ATRNL1: variants seen among roughly 807,000 people sequenced by gnomAD.
ATRNL1 encodes attractin-like protein 1.
Under a neutral mutation model 182.7 loss-of-function variants are expected in ATRNL1, and 95 were observed. That is an observed-to-expected ratio of 0.52 (90% CI 0.44 to 0.62). The LOEUF (loss-of-function observed/expected upper bound fraction) is 0.62. ATRNL1 is among the 20% of genes least tolerant of loss of function. The pLI, the probability that ATRNL1 is intolerant of heterozygous loss-of-function variation, is 0.00. For synonymous variants in ATRNL1, 576 were observed against 568.3 expected (o/e 1.01, Z -0.19); for missense variants, 1,471 against 1,679.5 (o/e 0.88, Z 2.17).
chr10:115,355,774 A>G (rs192734146), intron 19 of ATRNL1, among the ~76,000 whole-genome samples: 15 of 151,718 alleles, frequency 9.9e-5, no homozygotes, highest in Admixed American at 9.2e-4. Flanking sequence ...TTAATATTAC[A>G]TTTGTAATTG....
chr10:115,096,897 G>A, intron 1 of ATRNL1: 1 of 781,742 alleles, frequency 1.3e-6, no homozygotes, highest in Non-Finnish European at 1.6e-6. Flanking sequence ...ACTTGGGATT[G>A]AGAATAGGAA....
intron 26 of ATRNL1, among the ~76,000 whole-genome samples, chr10:115,712,538 C>T (rs1947091418): frequency 6.6e-6 from 1 of 152,142 alleles, no homozygotes; most frequent in African/African-American, 2.4e-5. Context: ...TGCATACTTA[C>T]CTCTTAGAGA....
At chr10:115,304,243 C>A (rs1356887807) in intron 17 of ATRNL1, among the ~76,000 whole-genome samples, 1 of 152,178 alleles carries the variant, frequency 6.6e-6, no homozygotes, top group Non-Finnish European at 1.5e-5. Context: ...GGAGCAGCCA[C>A]TGGCAGCCTG....
chr10:115,192,394 C>T (rs781951913), intron 8 of ATRNL1, among the ~76,000 whole-genome samples: 1 of 151,962 alleles, frequency 6.6e-6, no homozygotes. Context: ...TTGTAAAAAA[C>T]GAGTTGACTG....
chr10:115,472,325 G>T (rs942886918), intron 24 of ATRNL1, among the ~76,000 whole-genome samples: 3 of 150,810 alleles, frequency 2.0e-5, no homozygotes, highest in Non-Finnish European at 4.5e-5. Context: ...TTGACTATTT[G>T]CAGTCTTTTG....
chr10:115,756,628 T>C (rs1323543112), intron 27 of ATRNL1, among the ~76,000 whole-genome samples: 1 of 152,104 alleles, frequency 6.6e-6, no homozygotes, highest in African/African-American at 2.4e-5. Context: ...CTCAGAAAAA[T>C]GTATATTCTG....
chr10:115,443,998 T>C (rs1846835037), intron 21 of ATRNL1, among the ~76,000 whole-genome samples: 1 of 152,124 alleles, frequency 6.6e-6, no homozygotes, highest in African/African-American at 2.4e-5. Flanking sequence ...AACATACCTC[T>C]TTAGAGTATT....
intron 9 of ATRNL1, among the ~76,000 whole-genome samples, chr10:115,226,974 C>T (rs1273628235): frequency 6.6e-6 from 1 of 152,052 alleles, no homozygotes; most frequent in Non-Finnish European, 1.5e-5. Context: ...AATACAAATC[C>T]TAACAGACAA....
chr10:115,834,736 C>T (rs1950631527), intron 27 of ATRNL1, among the ~76,000 whole-genome samples: 1 of 152,086 alleles, frequency 6.6e-6, no homozygotes, highest in Non-Finnish European at 1.5e-5. Context: ...TCACACCTTC[C>T]CCTACTACCT....
At chr10:115,764,767 C>T (rs972176192) in intron 27 of ATRNL1, among the ~76,000 whole-genome samples, 3 of 152,010 alleles carry the variant, frequency 2.0e-5, no homozygotes, top group Admixed American at 6.6e-5. Context: ...CCGCCTCCCA[C>T]ATTCAAGCAA....
chr10:115,417,821 A>AG (rs1845466942), intron 20 of ATRNL1, among the ~76,000 whole-genome samples: 2 of 152,148 alleles, frequency 1.3e-5, no homozygotes, highest in Admixed American at 1.3e-4. Context: ...AGCCCTCCTG[A>AG]GACTTGTGGC....
intron 21 of ATRNL1, among the ~76,000 whole-genome samples, chr10:115,445,171 G>C (rs1335937891): frequency 6.6e-6 from 1 of 151,182 alleles, no homozygotes; most frequent in East Asian, 2.0e-4. Flanking sequence ...GCTTATGCCT[G>C]TAATCCTAGC....
intron 26 of ATRNL1, among the ~76,000 whole-genome samples, chr10:115,666,727 G>A (rs1468660221): frequency 2.0e-5 from 3 of 151,820 alleles, no homozygotes; most frequent in African/African-American, 7.3e-5. Context: ...TCCTCAGTAG[G>A]CACAGTAAAT....
chr10:115,179,618 G>A (rs531142038), intron 8 of ATRNL1, among the ~76,000 whole-genome samples: 2 of 152,096 alleles, frequency 1.3e-5, no homozygotes, highest in African/African-American at 4.8e-5. Context: ...AGCTACTATT[G>A]GCTTTTTAGA....
chr10:115,892,791 A>G (rs73365712), intron 28 of ATRNL1, among the ~76,000 whole-genome samples: 8,348 of 152,210 alleles, frequency 0.055, 729 homozygotes, highest in African/African-American at 0.18. Context: ...GAGTTGTTTC[A>G]CAAGCCTGCT....
chr10:115,739,409 A>T (rs1948074596), intron 27 of ATRNL1, among the ~76,000 whole-genome samples: 1 of 152,214 alleles, frequency 6.6e-6, no homozygotes, highest in Admixed American at 6.5e-5. Flanking sequence ...ATAGCTTTGG[A>T]TAAACAAGAC....
At chr10:115,908,807 G>T (rs1251246959) in intron 28 of ATRNL1, among the ~76,000 whole-genome samples, 1 of 152,126 alleles carries the variant, frequency 6.6e-6, no homozygotes, top group African/African-American at 2.4e-5. Flanking sequence ...CTTACATTCT[G>T]CTTCTAAAGT....
intron 26 of ATRNL1, among the ~76,000 whole-genome samples, chr10:115,562,774 C>T (rs568676534): frequency 4.6e-5 from 7 of 152,272 alleles, no homozygotes; most frequent in African/African-American, 1.7e-4. Flanking sequence ...CTGAGTCCTC[C>T]CAGCCATGCT....
chr10:115,128,113 T>A (rs1845054723), intron 4 of ATRNL1, among the ~76,000 whole-genome samples: 1 of 152,198 alleles, frequency 6.6e-6, no homozygotes, highest in Non-Finnish European at 1.5e-5. Context: ...TTGTAGTCCC[T>A]ATTGCAGAGA....
Sources: allele counts gnomAD v4.1 joint callset (sites outside exome capture counted in the v4.1 genomes callset), GRCh38; gene constraint gnomAD v4.1.1; transcripts MANE v1.5; gene names NCBI Gene and HGNC (gene_info 2026-07-23, HGNC 2026-07-21).